ANK1: variants seen among roughly 807,000 people sequenced by gnomAD.
ANK1 encodes the protein ankyrin 1.
ANK1 carries 51 observed loss-of-function variants against 210.4 expected under a neutral mutation model. The ratio of observed to expected loss-of-function variants is 0.24; its 90% CI spans 0.19 to 0.31. ANK1 has a LOEUF of 0.31. Ranked by LOEUF, ANK1 falls within the 10% of genes least tolerant of loss-of-function variation. The pLI is 1.00. For missense variants in ANK1, 2,051 were observed against 2,504.4 expected, an observed-to-expected ratio of 0.82 and a Z score of 3.86; for synonymous variants, 967 against 1,025.9, an observed-to-expected ratio of 0.94 and a Z score of 1.10.
chr8:41,800,014 G>T (rs1249596356), upstream of ANK1, among the ~76,000 whole-genome samples: 1 of 152,140 alleles, frequency 6.6e-6, no homozygotes, highest in Admixed American at 6.6e-5. Context: ...TGCCCCAAGA[G>T]CTTCCCAAGT....
At chr8:41,659,597 C>G (rs918391216) in intron 42 of ANK1, among the ~76,000 whole-genome samples, 5 of 152,294 alleles carry the variant, frequency 3.3e-5, no homozygotes, top group African/African-American at 1.2e-4. Flanking sequence ...TAGCCTTTGC[C>G]CTGGTTGGGA....
intron 1 of ANK1, among the ~76,000 whole-genome samples, chr8:41,783,209 G>A (rs1845681874): frequency 6.6e-6 from 1 of 152,180 alleles, no homozygotes; most frequent in African/African-American, 2.4e-5. Context: ...GTCATTGAAG[G>A]AGATCGTTTC....
intron 1 of ANK1, among the ~76,000 whole-genome samples, chr8:41,807,922 G>GGGGGAAGGAGGAGGGA: frequency 6.8e-6 from 1 of 147,160 alleles, no homozygotes; most frequent in African/African-American, 2.5e-5. Flanking sequence ...GACAAAAGAA[G>GGGGGAAGGAGGAGGGA]GGGGAAGGAG....
At chr8:41,843,707 T>C (rs989781041) in intron 1 of ANK1, among the ~76,000 whole-genome samples, 1 of 152,180 alleles carries the variant, frequency 6.6e-6, no homozygotes, top group Non-Finnish European at 1.5e-5. Context: ...ATCTCTCCGC[T>C]CTCTCTGCCA....
intron 11 of ANK1, 97 bp downstream of exon 11, chr8:41,718,009 C>G (rs891369582): frequency 7.7e-6 from 9 of 1,163,486 alleles, no homozygotes; most frequent in Non-Finnish European, 1.1e-5. Context: ...CACACACACC[C>G]CTGCAGCCAT....
chr8:41,767,117 G>A (rs1056492187), intron 1 of ANK1, among the ~76,000 whole-genome samples: 1 of 152,042 alleles, frequency 6.6e-6, no homozygotes, highest in South Asian at 2.1e-4. Flanking sequence ...CTCCGCGGCC[G>A]CAGCCTTCAG....
At chr8:41,733,690 C>A (rs567508978) in intron 3 of ANK1, among the ~76,000 whole-genome samples, 1 of 152,274 alleles carries the variant, frequency 6.6e-6, no homozygotes, top group East Asian at 1.9e-4. Flanking sequence ...CCCTTGGACA[C>A]TGAGTTCGAG....
chr8:41,739,212 G>C (rs936834409), intron 2 of ANK1, among the ~76,000 whole-genome samples: 1 of 151,898 alleles, frequency 6.6e-6, no homozygotes, highest in African/African-American at 2.4e-5. Flanking sequence ...TTATCCTCAA[G>C]TTCTTTAATT....
chr8:41,836,926 A>G (rs1205280178), intron 1 of ANK1, among the ~76,000 whole-genome samples: 3 of 127,840 alleles, frequency 2.3e-5, no homozygotes, highest in African/African-American at 1.2e-4. Context: ...TCTCTGGGGA[A>G]AAAAAAAAAA....
rs139077469 is a variant in ANK1 at position 41,761,303 on chromosome 8, A to C, written c.28-3166T>G. Among the ~76,000 whole-genome samples the C allele has an allele frequency of 3.7e-3, 556 of 152,116 alleles. 2 individuals carry two copies. Among genetic ancestry groups the C allele is most frequent in the African/African-American group, 0.012 (513 of 41,462 alleles). On this transcript the variant is annotated intron_variant, in intron 1 of 42. Coordinates refer to ENST00000289734, the MANE Select transcript of ANK1 (RefSeq NM_000037.4). ...CATGCACACCAAGAGATGCATACAC[A>C]CACACGCACACACATGCACAGATAC...
rs754546747 is a variant in ANK1, at chr8:41,719,760, C to T, written c.1008G>A (p.Leu336=). The change falls in exon 10 of 43, where the codon CTG becomes CTA. Residue 336 remains leucine (L), a synonymous_variant. Coordinates refer to ENST00000289734, the MANE Select transcript of ANK1 (RefSeq NM_000037.4). ...QYDAEIDDIT[L]DHLTPLHVAA... Reference sequence around the variant, plus strand: ...CCACGTGGAGTGGGGTCAGGTGGTCCAGGGTGATGTCGTCTATCTCTGCGT... The same window carrying T: ...CCACGTGGAGTGGGGTCAGGTGGTCTAGGGTGATGTCGTCTATCTCTGCGT... 6.2e-7 allele frequency: 1 copy of T among 1,614,188 alleles called. No individual in the cohort carries two copies. The highest frequency in any genetic ancestry group is 1.7e-5 in the Admixed American group (1 of 60,016).
At chr8:41,804,400 C>A (rs995765054) in intron 1 of ANK1, among the ~76,000 whole-genome samples, 45 of 152,192 alleles carry the variant, frequency 3.0e-4, no homozygotes, top group African/African-American at 1.1e-3. Flanking sequence ...ACTAAACCAG[C>A]CCACCCTCAA....
At chr8:41,837,869 CA>C (rs370532327) in intron 1 of ANK1, among the ~76,000 whole-genome samples, 2,029 of 146,436 alleles carry the variant, frequency 0.014, 45 homozygotes, top group African/African-American at 0.045. Flanking sequence ...AGACGCATCT[CA>C]AAAAAAAAAA....
chr8:41,719,999 G>T, intron 9 of ANK1, 141 bp from the exon 10 acceptor site: 1 of 971,352 alleles, frequency 1.0e-6, no homozygotes, highest in Non-Finnish European at 1.6e-6. Flanking sequence ...GGCTCACCCT[G>T]GCCTCCACGC....
At chr8:41,864,382 G>C (rs1813917603) in intron 1 of ANK1, among the ~76,000 whole-genome samples, 1 of 151,890 alleles carries the variant, frequency 6.6e-6, no homozygotes, top group South Asian at 2.1e-4. Flanking sequence ...AGACTCTTTT[G>C]ATTGGCCGGT....
chr8:41,812,905 C>T (rs1802720856), intron 1 of ANK1, among the ~76,000 whole-genome samples: 1 of 152,170 alleles, frequency 6.6e-6, no homozygotes, highest in Admixed American at 6.5e-5. Context: ...AGCAATGCTT[C>T]CTGGCTCATT....
At chr8:41,734,672 G>T (rs570175393) in intron 2 of ANK1, among the ~76,000 whole-genome samples, 3 of 151,982 alleles carry the variant, frequency 2.0e-5, no homozygotes, top group African/African-American at 7.2e-5. Flanking sequence ...CAGGCTGGTT[G>T]CTTGAGCCCA....
intron 38 of ANK1, among the ~76,000 whole-genome samples, chr8:41,671,607 C>T (rs1385734161): frequency 6.7e-6 from 1 of 148,192 alleles, no homozygotes; most frequent in Non-Finnish European, 1.5e-5. Flanking sequence ...CCCGATGTCC[C>T]TAAGTGAGAC....
chr8:41,740,875 C>T (rs1207223312), intron 2 of ANK1, among the ~76,000 whole-genome samples: 3 of 152,182 alleles, frequency 2.0e-5, no homozygotes, highest in African/African-American at 4.8e-5. Context: ...GCACTGCCTC[C>T]CACACCTGGA....
Sources: gnomAD v4.1 joint callset for allele counts (sites outside exome capture counted in the v4.1 genomes callset) on GRCh38, gnomAD v4.1.1 for gene constraint, MANE v1.5 for transcripts, NCBI Gene and HGNC (gene_info 2026-07-23, HGNC 2026-07-21) for gene names.